The following PMEPA1 variants were observed in gnomAD, a reference collection of about 807,000 sequenced individuals.
The protein encoded by PMEPA1 is protein TMEPAI.
In PMEPA1, 11 loss-of-function variants were observed where a neutral mutation model predicts 23.0. The observed-to-expected ratio is 0.48, with a 90% CI of 0.30 to 0.79. The LOEUF (loss-of-function observed/expected upper bound fraction) is 0.79, where lower values mean the gene tolerates loss of function less well. Ranked by LOEUF, PMEPA1 falls within the 30% of genes least tolerant of loss-of-function variation. PMEPA1 has a pLI of 0.06. For missense variants in PMEPA1, 377 were observed against 390.9 expected (o/e 0.96, Z 0.30); for synonymous variants, 204 against 166.4 (o/e 1.23, Z -1.74).
intron 1 of PMEPA1, among the ~76,000 whole-genome samples, chr20:57,666,386 C>A (rs913745710): frequency 6.6e-6 from 1 of 152,060 alleles, no homozygotes. Flanking sequence ...GAATTCTCAC[C>A]GTCATTCTGT....
chr20:57,676,533 C>T (rs2071639201), intron 1 of PMEPA1, among the ~76,000 whole-genome samples: 1 of 152,186 alleles, frequency 6.6e-6, no homozygotes, highest in African/African-American at 2.4e-5. Context: ...TTTATAGAAT[C>T]ACAACTGGTA....
intron 1 of PMEPA1, among the ~76,000 whole-genome samples, chr20:57,685,791 C>T (rs1229297674): frequency 6.6e-6 from 1 of 152,102 alleles, no homozygotes; most frequent in Non-Finnish European, 1.5e-5. Flanking sequence ...TAGCACTGTT[C>T]ACTTAAAGGG....
chr20:57,710,365 T>C (rs1244926753), upstream of PMEPA1: 2 of 1,332,920 alleles, frequency 1.5e-6, no homozygotes, highest in Non-Finnish European at 2.0e-6. Flanking sequence ...ACCCAGGCTC[T>C]TGGGGCTAGC....
Position 57,652,533 on chromosome 20 carries a change from C to G in PMEPA1, c.384G>C (p.Glu128Asp), listed in dbSNP as rs41314918. The G allele has an allele frequency of 0.042, 66,077 of 1,558,202 alleles. 2,767 individuals carry two copies. Among genetic ancestry groups the G allele is most frequent in the African/African-American group, 0.22 (16,167 of 73,738 alleles). ...RLAVPPFAQR[E>D]RFHRFQPTYP... ...AGGTGGGCTGGAAGCGGTGGAAGCG[C>G]TCCCGCTGGGCGAAGGGCGGCACGG... is the stretch of plus-strand genomic sequence containing the variant. The change falls in exon 4 of 4, where the codon GAG becomes GAC. Residue 128 changes from glutamate to aspartate, a missense_variant. Around this residue, in one of 3 missense-constraint regions of PMEPA1, gnomAD observed 198 missense variants for 196.3 expected, o/e 1.01. Coordinates refer to ENST00000341744, the MANE Select transcript of PMEPA1 (RefSeq NM_020182.5). The surrounding 1 kb of genome is among the most constrained non-coding windows in gnomAD (Gnocchi z 6.1).
intron 1 of PMEPA1, among the ~76,000 whole-genome samples, chr20:57,661,817 C>T (rs1026456701): frequency 2.0e-5 from 3 of 152,236 alleles, no homozygotes; most frequent in African/African-American, 2.4e-5. Flanking sequence ...AAGTGGCAGA[C>T]GCCTCTCCAC....
At chr20:57,670,112 C>G (rs1335594351) in intron 1 of PMEPA1, among the ~76,000 whole-genome samples, 1 of 148,198 alleles carries the variant, frequency 6.7e-6, no homozygotes, top group Non-Finnish European at 1.5e-5. Flanking sequence ...CACCCCTCCA[C>G]GTGCCCTGGC....
In PMEPA1 at chr20:57,649,777, G is replaced by GAA. The variant is rs1008899924; in HGVS notation, c.*2274_*2275dup. The GAA allele has an allele frequency of 3.3e-5, 5 of 152,622 alleles. No individual in the cohort carries two copies. The highest frequency in any genetic ancestry group is 7.2e-5 in the African/African-American group (3 of 41,446). The allele number at this position is 152,622 out of a possible 1,614,324, so 9.5% of individuals were successfully genotyped here. ...GACGCGCGAGGATGATGGGGTGTCT[G>GAA]AAAAGCAGGAGCCCTTGGTGGACCC... On this transcript the variant is annotated 3_prime_UTR_variant, in exon 4 of 4. Coordinates refer to ENST00000341744, the MANE Select transcript of PMEPA1 (RefSeq NM_020182.5).
At chr20:57,710,539 C>T, upstream of PMEPA1, 20 of 1,482,148 alleles carry the variant, frequency 1.3e-5, no homozygotes, top group Non-Finnish European at 1.7e-5. Flanking sequence ...AACCCCCAAG[C>T]GCTTTCACCC....
intron 1 of PMEPA1, among the ~76,000 whole-genome samples, chr20:57,697,916 C>A (rs568547869): frequency 6.6e-6 from 1 of 152,280 alleles, no homozygotes; most frequent in Admixed American, 6.5e-5. Flanking sequence ...AACGAACAAC[C>A]GCAAACATCT....
At position 57,709,763 on chromosome 20, in the gene PMEPA1, G is replaced by T. The variant is rs2072144004; in HGVS notation, c.-181C>A. ...GGGCGCCGCGGGGCTCAGTGCGCGG[G>T]ACCGCGCTCCGCTGCGCCCCCCCGG... On this transcript the variant is annotated 5_prime_UTR_variant, in exon 1 of 4. Transcript: ENST00000341744. 50 of 980,636 alleles carry T rather than the reference G, an allele frequency of 5.1e-5. No individual in the cohort carries two copies. Among genetic ancestry groups the T allele is most frequent in the Non-Finnish European group, 5.8e-5 (48 of 827,762 alleles). The allele number at this position is 980,636 out of a possible 1,614,324, so 60.7% of individuals were successfully genotyped here.
intron 1 of PMEPA1, among the ~76,000 whole-genome samples, chr20:57,664,311 G>C (rs921649797): frequency 6.6e-6 from 1 of 152,120 alleles, no homozygotes; most frequent in Non-Finnish European, 1.5e-5. Context: ...CTCAGCATGC[G>C]GGCCTCTACG....
intron 1 of PMEPA1, among the ~76,000 whole-genome samples, chr20:57,672,210 T>A (rs1448794856): frequency 1.3e-5 from 2 of 152,288 alleles, no homozygotes; most frequent in African/African-American, 4.8e-5. Context: ...CGCACGTGTG[T>A]GCCTGCATGC....
Position 57,648,657 on chromosome 20 carries a change from T to G in PMEPA1, c.*3396A>C, listed in dbSNP as rs1166758905. 1 of 152,218 alleles carries G rather than the reference T, an allele frequency of 6.6e-6. No homozygotes were observed. The highest frequency in any genetic ancestry group is 1.5e-5 in the Non-Finnish European group (1 of 68,076). 9.4% of individuals were successfully genotyped at this position (152,218 alleles called of 1,614,324 possible). A position where few individuals can be genotyped will look rare whatever the true frequency, so the allele number is the denominator to read the frequency against. ...ACGCCAGGAACCAACGTGAAAGCAT[T>G]GGAATCAGCACAACAGCCATGGAAT... On this transcript the variant is annotated 3_prime_UTR_variant, in exon 4 of 4. Transcript: ENST00000341744.
At position 57,651,983 on chromosome 20, in the gene PMEPA1, C is replaced by G; in HGVS notation, c.*70G>C. The G allele has an allele frequency of 7.4e-7, 1 of 1,343,798 alleles. No homozygotes were observed. The highest frequency in any genetic ancestry group is 9.9e-7 in the Non-Finnish European group (1 of 1,010,196). 83.2% of individuals were successfully genotyped at this position (1,343,798 alleles called of 1,614,324 possible). ...CTGCGCCCCCCGCCTTCCTCTCACT[C>G]CTCTTCTAAGAAGCGCGGAGTGTTC... On this transcript the variant is annotated 3_prime_UTR_variant, in exon 4 of 4. Transcript: ENST00000341744.
intron 1 of PMEPA1, among the ~76,000 whole-genome samples, chr20:57,676,881 C>T (rs1273898183): frequency 6.6e-6 from 1 of 152,240 alleles, no homozygotes; most frequent in African/African-American, 2.4e-5. Flanking sequence ...CAAACACACC[C>T]CCCGTCTATT....
At chr20:57,696,151 T>C (rs940056100) in intron 1 of PMEPA1, among the ~76,000 whole-genome samples, 3 of 151,852 alleles carry the variant, frequency 2.0e-5, no homozygotes, top group African/African-American at 7.3e-5. Flanking sequence ...GAGGGAAGTG[T>C]GTGGAGGATG....
At position 57,652,693 on chromosome 20, in the gene PMEPA1, G is replaced by T; in HGVS notation, c.319-95C>A. 9.0e-7 allele frequency: 1 copy of T among 1,113,970 alleles called. No homozygotes were observed. The highest frequency in any genetic ancestry group is 1.6e-5 in the South Asian group (1 of 61,330). 69.0% of individuals were successfully genotyped at this position (1,113,970 alleles called of 1,614,324 possible). A position where few individuals can be genotyped will look rare whatever the true frequency, so the allele number is the denominator to read the frequency against. ...ACTGGAGTTCTGCTGCATGGGACTT[G>T]GCTCTCTGGGGAAAGGGAGAGGGCA... On this transcript the variant is annotated intron_variant, in intron 3 of 3. Transcript: ENST00000341744. This position sits in a 1 kb window ranked among gnomAD's most constrained non-coding sequence, Gnocchi z 6.1.
In PMEPA1 at chr20:57,682,043, C is replaced by G. The variant is rs1337124369; in HGVS notation, c.110-22346G>C. On this transcript the variant is annotated intron_variant, in intron 1 of 3. Coordinates refer to ENST00000341744, the MANE Select transcript of PMEPA1 (RefSeq NM_020182.5). This position sits in a 1 kb window ranked among gnomAD's most constrained non-coding sequence, Gnocchi z 4.4. ...GACTCTGTTTCCCATCTGCACCAGA[C>G]TAGTAGCTCCCTGAGGGCAGGCTCA... 6.6e-6 allele frequency among the ~76,000 whole-genome samples: 1 copy of G among 152,232 alleles called. No individual in the cohort carries two copies. The highest frequency in any genetic ancestry group is 6.5e-5 in the Admixed American group (1 of 15,286).
intron 1 of PMEPA1, among the ~76,000 whole-genome samples, chr20:57,661,941 G>A (rs146112170): frequency 1.4e-4 from 21 of 150,980 alleles, no homozygotes; most frequent in African/African-American, 3.7e-4. Context: ...GCGCGCCATT[G>A]TCTACACTGC....
Sources: gnomAD v4.1 joint callset for allele counts (sites outside exome capture counted in the v4.1 genomes callset) on GRCh38, gnomAD v4.1.1 for gene constraint, gnomAD v4.1.1 regional missense constraint, Gnocchi (gnomAD v3.1) non-coding constraint, MANE v1.5 for transcripts, NCBI Gene and HGNC (gene_info 2026-07-23, HGNC 2026-07-21) for gene names.